Variants in NKAIN2 observed in about 807,000 individuals in gnomAD.
NKAIN2 encodes sodium/potassium-transporting ATPase subunit beta-1-interacting protein 2.
Under a neutral mutation model 32.6 loss-of-function variants are expected in NKAIN2, and 14 were observed. The ratio of observed to expected loss-of-function variants is 0.43; its 90% CI spans 0.28 to 0.67. The LOEUF (loss-of-function observed/expected upper bound fraction) is 0.67. NKAIN2 is among the 30% of genes least tolerant of loss of function. The probability of loss-of-function intolerance (pLI) is 0.17; values close to 1 mark genes in which losing one functional copy is unlikely to be tolerated. For missense variants in NKAIN2, 198 were observed against 258.3 expected (o/e 0.77, Z 1.60); for synonymous variants, 80 against 87.2 (o/e 0.92, Z 0.46).
At chr6:123,831,399 T>C (rs1338660679) in intron 1 of NKAIN2, among the ~76,000 whole-genome samples, 2 of 151,708 alleles carry the variant, frequency 1.3e-5, no homozygotes, top group South Asian at 4.1e-4. Context: ...GCAATAGGAT[T>C]TATTTTTAAT....
chr6:123,887,403 CA>C (rs58256467), intron 1 of NKAIN2, among the ~76,000 whole-genome samples: 3,820 of 152,234 alleles, frequency 0.025, 156 homozygotes, highest in African/African-American at 0.087. Flanking sequence ...ACTGTTTTAG[CA>C]CACTTATCTT....
In NKAIN2 at chr6:124,320,446, A is replaced by G. The variant is rs1797128681; in HGVS notation, c.193-34821A>G. Among the ~76,000 whole-genome samples the G allele has an allele frequency of 1.3e-5, 2 of 152,186 alleles. 1 individual carries two copies. The highest frequency in any genetic ancestry group is 1.3e-4 in the Admixed American group (2 of 15,266). The stretch of plus-strand genomic sequence containing the variant: ...TTTTGCAACACTCCAAGAGTTCTGA[A>G]GGATAAGGTTTATAATTAGAATGAA... On this transcript the variant is annotated intron_variant, in intron 2 of 6. Coordinates refer to ENST00000368417, the MANE Select transcript of NKAIN2 (RefSeq NM_001040214.3).
chr6:124,454,617 A>G (rs1194070889), intron 3 of NKAIN2, among the ~76,000 whole-genome samples: 1 of 152,110 alleles, frequency 6.6e-6, no homozygotes, highest in Non-Finnish European at 1.5e-5. Flanking sequence ...ATGAATGGCC[A>G]TAAATGTGTC....
intron 3 of NKAIN2, among the ~76,000 whole-genome samples, chr6:124,370,259 A>C (rs1799698236): frequency 6.6e-6 from 1 of 151,500 alleles, no homozygotes; most frequent in African/African-American, 2.4e-5. Context: ...TGCATGAAGA[A>C]ATTTCGAAAT....
intron 4 of NKAIN2, among the ~76,000 whole-genome samples, chr6:124,744,341 A>G (rs1393031526): frequency 6.6e-6 from 1 of 151,840 alleles, no homozygotes; most frequent in Non-Finnish European, 1.5e-5. Flanking sequence ...TTAGTTTATA[A>G]GACCATCTGA....
At chr6:124,796,851 G>T (rs796411683) in intron 5 of NKAIN2, among the ~76,000 whole-genome samples, 19 of 152,272 alleles carry the variant, frequency 1.2e-4, no homozygotes, top group African/African-American at 4.3e-4. Flanking sequence ...CTTTGTGGCA[G>T]GGCTCTCTGC....
chr6:124,119,138 A>G (rs144540246), intron 1 of NKAIN2, among the ~76,000 whole-genome samples: 1 of 152,192 alleles, frequency 6.6e-6, no homozygotes, highest in Non-Finnish European at 1.5e-5. Context: ...AGGGTACTAT[A>G]TGATATAGCT....
intron 1 of NKAIN2, among the ~76,000 whole-genome samples, chr6:123,850,374 A>G (rs1413196185): frequency 2.3e-5 from 2 of 86,834 alleles, no homozygotes; most frequent in African/African-American, 8.9e-5. Flanking sequence ...ATATATATAC[A>G]CACACACACA....
Position 123,838,965 on chromosome 6 carries a change from A to C in NKAIN2, c.54+34711A>C, listed in dbSNP as rs370882497. 2.0e-4 allele frequency among the ~76,000 whole-genome samples: 30 copies of C among 152,338 alleles called. No individual in the cohort carries two copies. In the East Asian group the frequency reaches 5.6e-3, roughly 28 times the overall value. On this transcript the variant is annotated intron_variant, in intron 1 of 6. Transcript: ENST00000368417. ...GGATAATGACTCTCTCTCACAATTT[A>C]ACCTGCAGAATTGCTAGTCATACTT...
At chr6:124,491,074 A>G (rs1481612688) in intron 3 of NKAIN2, among the ~76,000 whole-genome samples, 1 of 152,054 alleles carries the variant, frequency 6.6e-6, no homozygotes, top group Non-Finnish European at 1.5e-5. Context: ...TCAGATTAAT[A>G]TCTTTAGAGA....
intron 3 of NKAIN2, among the ~76,000 whole-genome samples, chr6:124,530,875 G>A (rs1273237204): frequency 1.3e-5 from 2 of 152,304 alleles, no homozygotes; most frequent in East Asian, 3.9e-4. Context: ...CCTAGCTCCA[G>A]AAGAAAGAAT....
At chr6:124,647,027 G>A (rs1360214432) in intron 3 of NKAIN2, among the ~76,000 whole-genome samples, 1 of 151,566 alleles carries the variant, frequency 6.6e-6, no homozygotes, top group Non-Finnish European at 1.5e-5. Context: ...CCAAAATAAG[G>A]TGTAGAGTAT....
At chr6:123,995,049 G>A (rs780736541) in intron 1 of NKAIN2, among the ~76,000 whole-genome samples, 5 of 152,194 alleles carry the variant, frequency 3.3e-5, no homozygotes, top group Admixed American at 6.5e-5. Context: ...AGCATAAGGT[G>A]AGGGAAGGGA....
intron 2 of NKAIN2, among the ~76,000 whole-genome samples, chr6:124,292,495 C>T (rs772589015): frequency 6.0e-5 from 9 of 150,042 alleles, no homozygotes; most frequent in African/African-American, 2.2e-4. Context: ...GTATGTTTTA[C>T]TTTGGTGTAA....
intron 4 of NKAIN2, among the ~76,000 whole-genome samples, chr6:124,667,634 C>A (rs1398354534): frequency 2.0e-5 from 3 of 151,944 alleles, no homozygotes; most frequent in African/African-American, 7.3e-5. Context: ...AAAAATATAT[C>A]TTTGATGGCA....
chr6:123,859,274 A>G (rs1056564555), intron 1 of NKAIN2, among the ~76,000 whole-genome samples: 7 of 152,222 alleles, frequency 4.6e-5, no homozygotes, highest in African/African-American at 1.7e-4. Flanking sequence ...GACTGTATGG[A>G]AAGCAAATCA....
In NKAIN2 at chr6:124,574,115, A is replaced by T. The variant is rs564310686; in HGVS notation, c.274-84071A>T. Among the ~76,000 whole-genome samples, 8 of 152,296 alleles carry T rather than the reference A, an allele frequency of 5.3e-5. No homozygotes were observed. The South Asian group carries it at 1.4e-3, about 28-fold the overall frequency. Reference sequence around the variant, plus strand: ...AGCAAGTAGCAGATGTTGGACTCGCAGTGGCATGTAGTGGAGGCAGCTGCA... The same window carrying T: ...AGCAAGTAGCAGATGTTGGACTCGCTGTGGCATGTAGTGGAGGCAGCTGCA... On this transcript the variant is annotated intron_variant, in intron 3 of 6. Transcript: ENST00000368417.
intron 4 of NKAIN2, among the ~76,000 whole-genome samples, chr6:124,681,492 A>G (rs1773617459): frequency 6.6e-6 from 1 of 152,056 alleles, no homozygotes. Flanking sequence ...TTGATGTATC[A>G]TCTTGGTGTA....
chr6:123,996,464 A>G (rs545237002), intron 1 of NKAIN2, among the ~76,000 whole-genome samples: 79 of 152,212 alleles, frequency 5.2e-4, no homozygotes, highest in African/African-American at 1.7e-3. Flanking sequence ...TTAGCTACCA[A>G]GCTTGTGATA....
Sources: gnomAD v4.1 joint callset for allele counts (sites outside exome capture counted in the v4.1 genomes callset) on GRCh38, gnomAD v4.1.1 for gene constraint, MANE v1.5 for transcripts, NCBI Gene and HGNC (gene_info 2026-07-23, HGNC 2026-07-21) for gene names.